The following STYX variants were observed in gnomAD, a reference collection of about 807,000 sequenced individuals.
STYX encodes the protein serine/threonine/tyrosine-interacting protein.
In STYX, 20 loss-of-function variants were observed where a neutral mutation model predicts 42.7. The observed-to-expected ratio is 0.47, with a 90% CI of 0.33 to 0.68. The LOEUF is 0.68. Ranked by LOEUF, STYX falls within the 30% of genes least tolerant of loss-of-function variation. The pLI is 0.02. For missense variants in STYX, 226 were observed against 268.5 expected, an observed-to-expected ratio of 0.84 and a Z score of 1.11; for synonymous variants, 78 against 81.9, an observed-to-expected ratio of 0.95 and a Z score of 0.26.
intron 1 of STYX, 29 bp from the exon 2 acceptor site, chr14:52,744,823 T>G: frequency 6.2e-7 from 1 of 1,609,672 alleles, no homozygotes. Context: ...AAATGTTATC[T>G]ACTTTTATTC....
chr14:52,761,922 GTAATCCCAGC>G (rs1294230463), intron 9 of STYX, among the ~76,000 whole-genome samples: 1 of 150,948 alleles, frequency 6.6e-6, no homozygotes, highest in African/African-American at 2.4e-5. Context: ...GCAGGTGCCT[GTAATCCCAGC>G]TACTTGGGAG....
intron 3 of STYX, 38 bp from the exon 4 acceptor site, chr14:52,750,645 A>G: frequency 3.1e-6 from 4 of 1,275,812 alleles, no homozygotes; most frequent in Non-Finnish European, 4.4e-6. Flanking sequence ...TAAAATATTT[A>G]TCTTCCCTGT....
intron 1 of STYX, among the ~76,000 whole-genome samples, chr14:52,741,993 T>A (rs1210594726): frequency 2.0e-5 from 3 of 152,224 alleles, no homozygotes; most frequent in Non-Finnish European, 2.9e-5. Flanking sequence ...GTGAATTATT[T>A]CTGATCTAGG....
rs1041897637 is a variant in STYX at position 52,774,957 on chromosome 14, T to C, written c.*3851T>C. On this transcript the variant is annotated 3_prime_UTR_variant, in exon 11 of 11. Coordinates refer to ENST00000354586, the MANE Select transcript of STYX (RefSeq NM_145251.4). The stretch of plus-strand genomic sequence containing the variant: ...ATTATTTTGTGAAGATTGGTGGTTG[T>C]ATTAAAACTGCTGTGCCATTATACC... 6.6e-6 allele frequency: 1 copy of C among 152,216 alleles called. No individual in the cohort carries two copies. Among genetic ancestry groups the C allele is most frequent in the Non-Finnish European group, 1.5e-5 (1 of 68,036 alleles). 9.4% of individuals were successfully genotyped at this position (152,216 alleles called of 1,614,324 possible). A position where few individuals can be genotyped will look rare whatever the true frequency, so the allele number is the denominator to read the frequency against.
chr14:52,739,800 G>A (rs1021535903), intron 1 of STYX, among the ~76,000 whole-genome samples: 1 of 151,058 alleles, frequency 6.6e-6, no homozygotes, highest in Non-Finnish European at 1.5e-5. Context: ...CACCACCACC[G>A]CACCTGGCTA....
intron 4 of STYX, among the ~76,000 whole-genome samples, chr14:52,754,211 A>G (rs71407605): frequency 0.053 from 8,030 of 151,232 alleles, 273 homozygotes; most frequent in Non-Finnish European, 0.076. Context: ...ATTATGAAAG[A>G]AATACTTTTT....
At chr14:52,747,012 A>G (rs1881420542) in intron 3 of STYX, among the ~76,000 whole-genome samples, 2 of 152,192 alleles carry the variant, frequency 1.3e-5, no homozygotes, top group East Asian at 3.8e-4. Context: ...TCACTGGAGT[A>G]TTTCGGATTT....
In STYX at chr14:52,773,761, C is replaced by A. The variant is rs1179339091; in HGVS notation, c.*2655C>A. 2 of 152,086 alleles carry A rather than the reference C, an allele frequency of 1.3e-5. No individual in the cohort carries two copies. The highest frequency in any genetic ancestry group is 2.9e-5 in the Non-Finnish European group (2 of 67,982). The allele number at this position is 152,086 out of a possible 1,614,324, so 9.4% of individuals were successfully genotyped here. On this transcript the variant is annotated 3_prime_UTR_variant, in exon 11 of 11. Transcript: ENST00000354586. ...AGTAGTTCTGGTAGCTCTTCCTATT[C>A]TTTATTCTATTTGATTCCATTTCTG...
chr14:52,730,677 C>A, intron 1 of STYX, 146 bp downstream of exon 1: 1 of 814,990 alleles, frequency 1.2e-6, no homozygotes, highest in South Asian at 1.8e-5. Flanking sequence ...GCCGAGCGGT[C>A]GGCTCCAATC....
chr14:52,734,168 G>A (rs1440585911), intron 1 of STYX, among the ~76,000 whole-genome samples: 1 of 152,202 alleles, frequency 6.6e-6, no homozygotes, highest in Admixed American at 6.5e-5. Context: ...CGTCTACTGT[G>A]CAGAAAAGGT....
At chr14:52,760,039 T>G (rs969957303) in intron 9 of STYX, among the ~76,000 whole-genome samples, 1 of 151,370 alleles carries the variant, frequency 6.6e-6, no homozygotes, top group East Asian at 1.9e-4. Context: ...CTCTAAAAAA[T>G]AAAAAATTAA....
At chr14:52,755,772 T>C (rs1183551410) in intron 4 of STYX, among the ~76,000 whole-genome samples, 1 of 151,850 alleles carries the variant, frequency 6.6e-6, no homozygotes, top group Non-Finnish European at 1.5e-5. Context: ...TACCTTCCGT[T>C]TTTATTTGTT....
intron 9 of STYX, among the ~76,000 whole-genome samples, chr14:52,767,341 A>C (rs964110606): frequency 1.3e-5 from 2 of 152,182 alleles, no homozygotes; most frequent in Admixed American, 1.3e-4. Flanking sequence ...CATATGAATT[A>C]TGAGGGGAAT....
chr14:52,760,237 G>T (rs1882038017), intron 9 of STYX, among the ~76,000 whole-genome samples: 1 of 151,876 alleles, frequency 6.6e-6, no homozygotes, highest in South Asian at 2.1e-4. Context: ...CTTAAAGGCT[G>T]GCATTACCAA....
chr14:52,750,257 A>G (rs1250699694), intron 3 of STYX, among the ~76,000 whole-genome samples: 1 of 152,192 alleles, frequency 6.6e-6, no homozygotes, highest in Non-Finnish European at 1.5e-5. Flanking sequence ...TTTGGGTTCC[A>G]GTACTGCTGT....
At chr14:52,762,317 A>G (rs1174476613) in intron 9 of STYX, among the ~76,000 whole-genome samples, 2 of 152,136 alleles carry the variant, frequency 1.3e-5, no homozygotes, top group South Asian at 2.1e-4. Context: ...CCAAATTCTG[A>G]TATGTCCTTT....
At chr14:52,734,367 A>G (rs1880863498) in intron 1 of STYX, among the ~76,000 whole-genome samples, 1 of 152,110 alleles carries the variant, frequency 6.6e-6, no homozygotes, top group Non-Finnish European at 1.5e-5. Flanking sequence ...AATCTTATTC[A>G]ACGGTTTTTA....
At chr14:52,760,818 T>G (rs2139924857) in intron 9 of STYX, among the ~76,000 whole-genome samples, 1 of 152,194 alleles carries the variant, frequency 6.6e-6, no homozygotes, top group East Asian at 1.9e-4. Flanking sequence ...TTTTTTAAGC[T>G]TTTCTTTTTT....
chr14:52,772,920 A>G lies in STYX; in HGVS notation c.*1814A>G, dbSNP rs1882570783. The G allele has an allele frequency of 6.6e-6, 1 of 151,964 alleles. No individual in the cohort carries two copies. The allele number at this position is 151,964 out of a possible 1,614,324, so 9.4% of individuals were successfully genotyped here. On this transcript the variant is annotated 3_prime_UTR_variant, in exon 11 of 11. Coordinates refer to ENST00000354586, the MANE Select transcript of STYX (RefSeq NM_145251.4). ...GATGTACAGTGGTCTAGTGGAGTCAAGATTCGCATTGGGTTTTCTAAAATT... is the reference window on the plus strand; with the variant it reads ...GATGTACAGTGGTCTAGTGGAGTCAGGATTCGCATTGGGTTTTCTAAAATT...
Sources: gnomAD v4.1 joint callset for allele counts (sites outside exome capture counted in the v4.1 genomes callset) on GRCh38, gnomAD v4.1.1 for gene constraint, MANE v1.5 for transcripts, NCBI Gene and HGNC (gene_info 2026-07-23, HGNC 2026-07-21) for gene names.